The following EGR2 variants were observed in gnomAD, a reference collection of about 807,000 sequenced individuals.
EGR2 encodes E3 SUMO-protein ligase EGR2.
Under a neutral mutation model 21.2 loss-of-function variants are expected in EGR2, and 2 were observed. The ratio of observed to expected loss-of-function variants is 0.09; its 90% CI spans 0.04 to 0.30. The LOEUF is 0.30. EGR2 is among the 10% of genes least tolerant of loss of function. EGR2 has a pLI of 1.00. For synonymous variants in EGR2, 282 were observed against 258.2 expected, an observed-to-expected ratio of 1.09 and a Z score of -0.88; for missense variants, 458 against 630.2, an observed-to-expected ratio of 0.73 and a Z score of 2.93.
chr10:62,816,001 A>AT lies in EGR2; in HGVS notation c.28dup (p.Ile10AsnfsTer14). ...CACAAAACCACTGAGAGTTACTGGG[A>AT]TTTTGTCTACGGCCTTGGCGGTCAT... On this transcript the variant is annotated frameshift_variant, in exon 1 of 2. Transcript: ENST00000242480. LOFTEE classifies it high-confidence loss of function. The AT allele has an allele frequency of 6.2e-7, 1 of 1,614,110 alleles. No individual in the cohort carries two copies. Among genetic ancestry groups the AT allele is most frequent in the Non-Finnish European group, 8.5e-7 (1 of 1,180,024 alleles).
At chr10:62,818,561 G>C, upstream of EGR2, 2 of 1,271,830 alleles carry the variant, frequency 1.6e-6, no homozygotes, top group South Asian at 1.3e-5. Flanking sequence ...AGCCCACTCC[G>C]CCTGCGCTCT....
At chr10:62,816,885 A>G (rs954614992), upstream of EGR2, among the ~76,000 whole-genome samples, 1 of 152,016 alleles carries the variant, frequency 6.6e-6, no homozygotes, top group African/African-American at 2.4e-5. Flanking sequence ...CGCAAGCAAA[A>G]GGAGGCAGCG....
Position 62,814,395 on chromosome 10 carries a change from G to A in EGR2, c.243C>T (p.Pro81=). 1 of 1,614,152 alleles carries A rather than the reference G, an allele frequency of 6.2e-7. No homozygotes were observed. The highest frequency in any genetic ancestry group is 8.5e-7 in the Non-Finnish European group (1 of 1,180,008). ...LDLPYPSSFA[P]VSAPRNQTFT... is the part of the protein sequence containing the mutation. ...AGGTCTGGTTTCTAGGTGCAGAGAC[G>A]GGAGCAAAGCTGCTGGGATATGGGA... The change falls in exon 2 of 2, where the codon CCC becomes CCT. Residue 81 remains proline (P), a synonymous_variant. Coordinates refer to ENST00000242480, the MANE Select transcript of EGR2 (RefSeq NM_000399.5). The surrounding 1 kb of genome is among the most constrained non-coding windows in gnomAD (Gnocchi z 4.8).
chr10:62,815,254 G>T (rs1589082461), intron 1 of EGR2, among the ~76,000 whole-genome samples: 1 of 152,302 alleles, frequency 6.6e-6, no homozygotes, highest in East Asian at 1.9e-4. Context: ...GCTGCTTCCC[G>T]CCGTTGCGCG....
At chr10:62,815,765 G>A in intron 1 of EGR2, 96 bp downstream of exon 1, 1 of 1,459,354 alleles carries the variant, frequency 6.9e-7, no homozygotes, top group Non-Finnish European at 9.4e-7. Context: ...TCCACCTGGA[G>A]CCCCAATCCT....
Position 62,814,077 on chromosome 10 carries a change from C to T in EGR2, c.561G>A (p.Ala187=), listed in dbSNP as rs144739493. 12 of 1,613,804 alleles carry T rather than the reference C, an allele frequency of 7.4e-6. No individual in the cohort carries two copies. Among genetic ancestry groups the T allele is most frequent in the African/African-American group, 4.0e-5 (3 of 74,820 alleles). The change falls in exon 2 of 2, where the codon GCG becomes GCA. Residue 187 remains alanine, a synonymous_variant. Coordinates refer to ENST00000242480, the MANE Select transcript of EGR2 (RefSeq NM_000399.5). The surrounding 1 kb of genome is among the most constrained non-coding windows in gnomAD (Gnocchi z 4.8). ...CAGDLYQDPS[A]FLSAATTSTS... ...TGGAGGTGGTGGCTGCTGACAGGAA[C>T]GCAGAAGGGTCCTGGTAGAGGTCTC...
chr10:62,816,381 G>C, upstream of EGR2: 1 of 1,207,644 alleles, frequency 8.3e-7, no homozygotes, highest in Non-Finnish European at 1.0e-6. Context: ...GGAAAGTGTT[G>C]CTCTAAGTAT....
Position 62,813,874 on chromosome 10 carries a change from G to A in EGR2, c.764C>T (p.Thr255Ile), listed in dbSNP as rs200910043. The A allele has an allele frequency of 6.2e-7, 1 of 1,614,192 alleles. No individual in the cohort carries two copies. The highest frequency in any genetic ancestry group is 1.7e-5 in the Admixed American group (1 of 60,028). ...DRKPFPCPLD[T>I]LRVPPPLTPL... The stretch of plus-strand genomic sequence containing the variant: ...AGTGAGTGGAGGGGGCACCCGCAGG[G>A]TGTCCAGTGGGCAGGGAAAGGGCTT... Residue 255 changes from threonine (T) to isoleucine (I), a missense_variant, in exon 2 of 2, where the codon ACC becomes ATC. By Grantham distance (89) the Thr-to-Ile change is moderately conservative. Coordinates refer to ENST00000242480, the MANE Select transcript of EGR2 (RefSeq NM_000399.5). This position sits in a 1 kb window ranked among gnomAD's most constrained non-coding sequence, Gnocchi z 5.7.
upstream of EGR2, among the ~76,000 whole-genome samples, chr10:62,817,802 C>A (rs925582867): frequency 5.3e-5 from 8 of 152,214 alleles, no homozygotes; most frequent in African/African-American, 1.9e-4. The surrounding 1 kb of genome is among the most constrained non-coding windows in gnomAD (Gnocchi z 4.4). Context: ...GTCCAAATAG[C>A]AGCAGGTTCT....
upstream of EGR2, chr10:62,818,636 G>C: frequency 7.9e-7 from 1 of 1,263,654 alleles, no homozygotes; most frequent in Non-Finnish European, 1.0e-6. Flanking sequence ...AGTCCGACTC[G>C]CATCTCGGGC....
At chr10:62,818,726 C>G, upstream of EGR2, 1 of 747,380 alleles carries the variant, frequency 1.3e-6, no homozygotes, top group Non-Finnish European at 1.8e-6. Context: ...CGGCCCCCGC[C>G]GGCCCCTTAG....
rs1589079972 is a variant in EGR2 at position 62,813,072 on chromosome 10, G to A, written c.*135C>T. 4 of 1,011,760 alleles carry A rather than the reference G, an allele frequency of 4.0e-6. No individual in the cohort carries two copies. The East Asian group carries it at 7.3e-5, about 18-fold the overall frequency. 62.7% of individuals were successfully genotyped at this position (1,011,760 alleles called of 1,614,324 possible). A position where few individuals can be genotyped will look rare whatever the true frequency, so the allele number is the denominator to read the frequency against. ...TGCTTCTAGGTGGAAAGGGGGCAGT[G>A]CTAGCTCCACCAAAGCCCTTTGCCC... On this transcript the variant is annotated 3_prime_UTR_variant, in exon 2 of 2. Coordinates refer to ENST00000242480, the MANE Select transcript of EGR2 (RefSeq NM_000399.5). This position sits in a 1 kb window ranked among gnomAD's most constrained non-coding sequence, Gnocchi z 5.7.
upstream of EGR2, chr10:62,818,791 C>T (rs1838317650): frequency 1.5e-5 from 3 of 197,472 alleles, no homozygotes; most frequent in Admixed American, 6.4e-5. Flanking sequence ...CGCTTCGCTC[C>T]TCTCTGCGCA....
Position 62,813,952 on chromosome 10 carries a change from A to C in EGR2, c.686T>G (p.Phe229Cys). The part of the protein sequence containing the change: ...LFPMIPDYPG[F>C]FPSQCQRDLH... ...GTCTCTCTGGCACTGAGATGGAAAGAATCCAGGATAGTCTGGGATCATTGG... is the reference window on the plus strand; with the variant it reads ...GTCTCTCTGGCACTGAGATGGAAAGCATCCAGGATAGTCTGGGATCATTGG... The change falls in exon 2 of 2, where the codon TTC becomes TGC. Residue 229 changes from phenylalanine to cysteine, a missense_variant. This residue lies in a region of EGR2 where 253 missense variants were observed against 315.5 expected (regional missense o/e 0.80). Transcript: ENST00000242480. The surrounding 1 kb of genome is among the most constrained non-coding windows in gnomAD (Gnocchi z 5.7). The C allele has an allele frequency of 6.2e-7, 1 of 1,614,172 alleles. No homozygotes were observed. Among genetic ancestry groups the C allele is most frequent in the Non-Finnish European group, 8.5e-7 (1 of 1,180,028 alleles).
At position 62,812,967 on chromosome 10, in the gene EGR2, T is replaced by C; in HGVS notation, c.*240A>G. 1 of 426,424 alleles carries C rather than the reference T, an allele frequency of 2.3e-6. No individual in the cohort carries two copies. Among genetic ancestry groups the C allele is most frequent in the Non-Finnish European group, 4.1e-6 (1 of 245,026 alleles). The allele number at this position is 426,424 out of a possible 1,614,324, so 26.4% of individuals were successfully genotyped here. On this transcript the variant is annotated 3_prime_UTR_variant, in exon 2 of 2. Transcript: ENST00000242480. ...GGCCAGGGGTCCCCACACCACCTCC[T>C]TCTGAGCCTCCCCTTTGCCTTGGGT...
At position 62,812,607 on chromosome 10, in the gene EGR2, G is replaced by A. The variant is rs932731631; in HGVS notation, c.*600C>T. Reference sequence around the variant, plus strand: ...CCATCACATTGCACTTCTGTTCTCTGAGTTTATAATACATATTGCTTCAAG... The same window carrying A: ...CCATCACATTGCACTTCTGTTCTCTAAGTTTATAATACATATTGCTTCAAG... On this transcript the variant is annotated 3_prime_UTR_variant, in exon 2 of 2. Coordinates refer to ENST00000242480, the MANE Select transcript of EGR2 (RefSeq NM_000399.5). 1.3e-5 allele frequency: 2 copies of A among 152,764 alleles called. No homozygotes were observed. The highest frequency in any genetic ancestry group is 2.4e-5 in the African/African-American group (1 of 41,420). 9.5% of individuals were successfully genotyped at this position (152,764 alleles called of 1,614,324 possible). A position where few individuals can be genotyped will look rare whatever the true frequency, so the allele number is the denominator to read the frequency against.
upstream of EGR2, among the ~76,000 whole-genome samples, chr10:62,818,160 G>C (rs981798720): frequency 3.3e-5 from 5 of 152,112 alleles, no homozygotes; most frequent in East Asian, 3.9e-4. Context: ...CGGGTCTTCA[G>C]CCGCTCACCT....
chr10:62,815,077 C>T (rs985484563), intron 1 of EGR2, among the ~76,000 whole-genome samples: 1 of 152,270 alleles, frequency 6.6e-6, no homozygotes, highest in African/African-American at 2.4e-5. Flanking sequence ...TCCGTGCCCT[C>T]CCAATCTTCT....
upstream of EGR2, among the ~76,000 whole-genome samples, chr10:62,818,877 C>A (rs1278346531): frequency 2.6e-5 from 4 of 152,058 alleles, no homozygotes; most frequent in East Asian, 1.9e-4. Flanking sequence ...CGCCGGCGGT[C>A]GCCGCGCGCC....
Sources: gnomAD v4.1 joint callset for allele counts (sites outside exome capture counted in the v4.1 genomes callset) on GRCh38, gnomAD v4.1.1 for gene constraint, gnomAD v4.1.1 regional missense constraint, Gnocchi (gnomAD v3.1) non-coding constraint, MANE v1.5 for transcripts, NCBI Gene and HGNC (gene_info 2026-07-23, HGNC 2026-07-21) for gene names.